The following FCRL4 variants were observed in gnomAD, a reference collection of about 807,000 sequenced individuals.
FCRL4 encodes Fc receptor-like protein 4.
FCRL4 carries 43 observed loss-of-function variants against 64.1 expected under a neutral mutation model. That is an observed-to-expected ratio of 0.67 (90% CI 0.53 to 0.87). The LOEUF (loss-of-function observed/expected upper bound fraction) is 0.87. Among genes scored for constraint, FCRL4 ranks in the 40% least tolerant of loss-of-function variants. FCRL4 has a pLI of 0.00. For synonymous variants in FCRL4, 253 were observed against 239.8 expected (o/e 1.05, Z -0.51); for missense variants, 656 against 613.5 (o/e 1.07, Z -0.73).
At chr1:157,584,185 A>T (rs766877545) in intron 6 of FCRL4, among the ~76,000 whole-genome samples, 6 of 152,094 alleles carry the variant, frequency 3.9e-5, no homozygotes, top group Non-Finnish European at 8.8e-5. Context: ...TGCAGAAGAA[A>T]CACCCTCTAC....
intron 6 of FCRL4, among the ~76,000 whole-genome samples, chr1:157,582,167 G>A (rs1652575475): frequency 6.6e-6 from 1 of 152,160 alleles, no homozygotes; most frequent in African/African-American, 2.4e-5. Context: ...AGAAAAAAAC[G>A]GATGGAAAAG....
chr1:157,578,614 T>A, intron 9 of FCRL4, 72 bp from the exon 10 acceptor site: 3 of 1,403,010 alleles, frequency 2.1e-6, no homozygotes, highest in Non-Finnish European at 3.0e-6. Flanking sequence ...TTCCTAAGCA[T>A]CATCTCCACT....
chr1:157,588,148 A>T, intron 3 of FCRL4, 29 bp from the exon 4 acceptor site: 1 of 1,570,198 alleles, frequency 6.4e-7, no homozygotes, highest in Non-Finnish European at 8.6e-7. Context: ...GGAGATCGTC[A>T]TTCAAAGCAT....
chr1:157,591,549 G>A (rs1386800713), intron 2 of FCRL4, among the ~76,000 whole-genome samples: 1 of 152,108 alleles, frequency 6.6e-6, no homozygotes, highest in Non-Finnish European at 1.5e-5. Context: ...TATGGGAGAG[G>A]TAAGCAGGCT....
rs1652730552 is a variant in FCRL4, at chr1:157,587,537, T to A, written c.586A>T (p.Lys196Ter). The change falls in exon 5 of 12, where the codon AAA (lysine) becomes TAA (stop). Residue 196 changes from lysine to a stop codon, truncating the protein, a stop_gained. Coordinates refer to ENST00000271532, the MANE Select transcript of FCRL4 (RefSeq NM_031282.3). LOFTEE classifies it high-confidence loss of function. The stretch of plus-strand genomic sequence containing the variant: ...TCTGTAGGCTGAGAGTCTGTAGCTT[T>A]CAGCTCTGGATGTGGAAATAGTTCT... ...IQELFPHPEL[K>*]ATDSQPTEGN... 1 of 1,614,112 alleles carries A rather than the reference T, an allele frequency of 6.2e-7. No homozygotes were observed. The highest frequency in any genetic ancestry group is 8.5e-7 in the Non-Finnish European group (1 of 1,180,026).
In FCRL4 at chr1:157,587,392, G is replaced by A. The variant is rs771170184; in HGVS notation, c.731C>T (p.Pro244Leu). Reference sequence around the variant, plus strand: ...CCAGACGGTTGGGAGCTGGAGTTCCGGGTACGTGCTCCAGTCTGACAGGAT... The same window carrying A: ...CCAGACGGTTGGGAGCTGGAGTTCCAGGTACGTGCTCCAGTCTGACAGGAT... Reference protein sequence around the residue: ...EVILSDWSTYPELQLPTVWRE... With the variant: ...EVILSDWSTYLELQLPTVWRE... Residue 244 changes from proline (P) to leucine (L), a missense_variant, in exon 5 of 12, where the codon CCG becomes CTG. Physicochemically the swap from Pro to Leu is moderately conservative, Grantham distance 98 (BLOSUM62 -3). Coordinates refer to ENST00000271532, the MANE Select transcript of FCRL4 (RefSeq NM_031282.3). 11 of 1,614,062 alleles carry A rather than the reference G, an allele frequency of 6.8e-6. No individual in the cohort carries two copies. The highest frequency in any genetic ancestry group is 1.6e-4 in the Middle Eastern group (1 of 6,084).
chr1:157,587,553 A>T lies in FCRL4; in HGVS notation c.570T>A (p.Phe190Leu). 2 of 1,613,570 alleles carry T rather than the reference A, an allele frequency of 1.2e-6. No individual in the cohort carries two copies. Among genetic ancestry groups the T allele is most frequent in the Non-Finnish European group, 1.7e-6 (2 of 1,179,986 alleles). ...CTGTAGCTTTCAGCTCTGGATGTGG[A>T]AATAGTTCTAGAGAGAAGAGGTAAG... The part of the protein sequence containing the change: ...NFKIIKIQEL[F>L]PHPELKATDS... The change falls in exon 5 of 12, where the codon TTT becomes TTA. Residue 190 changes from phenylalanine (F) to leucine (L), a missense_variant. Transcript: ENST00000271532.
Position 157,578,350 on chromosome 1 carries a change from C to A in FCRL4, c.1429+124G>T, listed in dbSNP as rs1047775331. 24 of 775,192 alleles carry A rather than the reference C, an allele frequency of 3.1e-5. No homozygotes were observed. The South Asian group carries it at 3.5e-4, about 11-fold the overall frequency. 48.0% of individuals were successfully genotyped at this position (775,192 alleles called of 1,614,324 possible). A position where few individuals can be genotyped will look rare whatever the true frequency, so the allele number is the denominator to read the frequency against. On this transcript the variant is annotated intron_variant, in intron 10 of 11. Transcript: ENST00000271532. Reference sequence around the variant, plus strand: ...AGCTCTCCACTGCAGGGATTTTTGTCTGCCTTGTTTACTGATTGACTTCCC... The same window carrying A: ...AGCTCTCCACTGCAGGGATTTTTGTATGCCTTGTTTACTGATTGACTTCCC...
chr1:157,578,092 C>T (rs1180803205), intron 10 of FCRL4, among the ~76,000 whole-genome samples: 1 of 152,084 alleles, frequency 6.6e-6, no homozygotes, highest in African/African-American at 2.4e-5. Flanking sequence ...AAATGCCATG[C>T]ATATACATAT....
At position 157,575,721 on chromosome 1, in the gene FCRL4, G is replaced by GAC. The variant is rs1652388565; in HGVS notation, c.1438_1439insGT (p.Ser480CysfsTer6). ...CACCTTATCCTCTAGAAGTGTCCTG[G>GAC]AGGTATTAGCTGTGGACAGAAAGAG... On this transcript the variant is annotated frameshift_variant, in exon 11 of 12. Coordinates refer to ENST00000271532, the MANE Select transcript of FCRL4 (RefSeq NM_031282.3). LOFTEE classifies it low-confidence loss of function (END_TRUNC). The GAC allele has an allele frequency of 5.6e-6, 9 of 1,613,828 alleles. No individual in the cohort carries two copies. The East Asian group carries it at 2.0e-4, about 36-fold the overall frequency.
At chr1:157,588,960 A>G (rs1652772014) in intron 3 of FCRL4, among the ~76,000 whole-genome samples, 1 of 152,244 alleles carries the variant, frequency 6.6e-6, no homozygotes, top group African/African-American at 2.4e-5. Context: ...TGTACTCCCT[A>G]AAACTAACTC....
Position 157,582,607 on chromosome 1 carries a change from C to T in FCRL4, c.1136-963G>A, listed in dbSNP as rs968080451. ...CATGCAGGTAGTAGAACAACAGCAA[C>T]ACTGATCATGATTTCCGTTTATTTT... On this transcript the variant is annotated intron_variant, in intron 6 of 11. Transcript: ENST00000271532. Among the ~76,000 whole-genome samples the T allele has an allele frequency of 2.0e-5, 3 of 152,330 alleles. No individual in the cohort carries two copies. The East Asian group carries it at 5.8e-4, about 29-fold the overall frequency.
intron 10 of FCRL4, among the ~76,000 whole-genome samples, chr1:157,576,569 A>T (rs999830278): frequency 6.6e-6 from 1 of 152,220 alleles, no homozygotes; most frequent in African/African-American, 2.4e-5. Context: ...CTGAAATGTA[A>T]CTAGTCCATC....
At chr1:157,581,478 G>C in intron 7 of FCRL4, 53 bp downstream of exon 7, 1 of 1,486,414 alleles carries the variant, frequency 6.7e-7, no homozygotes, top group Admixed American at 1.7e-5. Flanking sequence ...TCTGCATGCT[G>C]AGTTCAGGGG....
chr1:157,593,609 T>A lies in FCRL4; in HGVS notation c.52+2719A>T, dbSNP rs72996988. On this transcript the variant is annotated intron_variant, in intron 2 of 11. Coordinates refer to ENST00000271532, the MANE Select transcript of FCRL4 (RefSeq NM_031282.3). ...GCTGTATGAGGGGGTGGAATTCCTT[T>A]CTGACTTTGCAGCTTCTTAGTGGGT... 6.3e-3 allele frequency among the ~76,000 whole-genome samples: 957 copies of A among 152,342 alleles called. 10 individuals are homozygous for A. Among genetic ancestry groups the A allele is most frequent in the African/African-American group, 0.022 (917 of 41,564 alleles).
chr1:157,580,683 C>T, intron 7 of FCRL4: 1 of 322,442 alleles, frequency 3.1e-6, no homozygotes, highest in Non-Finnish European at 5.8e-6. Context: ...ACATCTGTGG[C>T]CATGCCCAGA....
At position 157,574,550 on chromosome 1, in the gene FCRL4, A is replaced by G. The variant is rs1181770488; in HGVS notation, c.*974T>C. On this transcript the variant is annotated 3_prime_UTR_variant, in exon 12 of 12. Transcript: ENST00000271532. ...CTTTTATTCCTTCTTCATTTATTGC[A>G]AGAATTATTCTCATATAAACTAATT... 1 of 206,440 alleles carries G rather than the reference A, an allele frequency of 4.8e-6. No individual in the cohort carries two copies. The highest frequency in any genetic ancestry group is 9.9e-6 in the Non-Finnish European group (1 of 101,292). The allele number at this position is 206,440 out of a possible 1,614,324, so 12.8% of individuals were successfully genotyped here.
intron 10 of FCRL4, 44 bp from the exon 11 acceptor site, chr1:157,575,774 C>T: frequency 1.3e-6 from 2 of 1,595,464 alleles, no homozygotes; most frequent in Non-Finnish European, 1.7e-6. Flanking sequence ...CATAATGATG[C>T]ACTTAGAACT....
At position 157,589,240 on chromosome 1, in the gene FCRL4, G is replaced by C; in HGVS notation, c.271C>G (p.Pro91Ala). 1 of 1,614,142 alleles carries C rather than the reference G, an allele frequency of 6.2e-7. No individual in the cohort carries two copies. The highest frequency in any genetic ancestry group is 8.5e-7 in the Non-Finnish European group (1 of 1,180,018). ...GLYRCQARGS[P>A]RSNPVRLLFS... ...AGCAAGCGCACAGGGTTACTTCGTG[G>C]GGAGCCCCGGGCCTGGCATCTGTAC... The change falls in exon 3 of 12, where the codon CCA becomes GCA. Residue 91 changes from proline (P) to alanine (A), a missense_variant. By Grantham distance (27) the Pro-to-Ala change is conservative (BLOSUM62 -1). Transcript: ENST00000271532.
Sources: allele counts gnomAD v4.1 joint callset (sites outside exome capture counted in the v4.1 genomes callset), GRCh38; gene constraint gnomAD v4.1.1; transcripts MANE v1.5; gene names NCBI Gene and HGNC (gene_info 2026-07-23, HGNC 2026-07-21).